The following SHISA5 variants were observed in gnomAD, a reference collection of about 807,000 sequenced individuals.
The protein encoded by SHISA5 is shisa family member 5, also known as protein shisa-5.
In SHISA5, 21 loss-of-function variants were observed where a neutral mutation model predicts 27.5. The ratio of observed to expected loss-of-function variants is 0.76; its 90% CI spans 0.54 to 1.10. The LOEUF (loss-of-function observed/expected upper bound fraction) is 1.10. Among genes scored for constraint, SHISA5 ranks in the 50% least tolerant of loss-of-function variants. The probability of loss-of-function intolerance (pLI) is 0.00; values close to 1 mark genes in which losing one functional copy is unlikely to be tolerated. For missense variants in SHISA5, 314 were observed against 336.3 expected (o/e 0.93, Z 0.52); for synonymous variants, 137 against 142.2 (o/e 0.96, Z 0.26).
intron 2 of SHISA5, among the ~76,000 whole-genome samples, chr3:48,492,622 C>T (rs2041468482): frequency 6.8e-6 from 1 of 147,966 alleles, no homozygotes; most frequent in Non-Finnish European, 1.5e-5. Context: ...CTGTACAAGC[C>T]TTCGCCCAAG....
rs368900654 is a variant in SHISA5 at position 48,471,499 on chromosome 3, G to A, written c.315-1656C>T. Among the ~76,000 whole-genome samples the A allele has an allele frequency of 3.5e-5, 5 of 141,422 alleles. No individual in the cohort carries two copies. The East Asian group carries it at 1.1e-3, about 31-fold the overall frequency. The allele number at this position is 141,422 out of a possible 152,430, so 92.8% of individuals were successfully genotyped here. Reference sequence around the variant, plus strand: ...GAACCCAGGAGGTGGAGGTTGTAGTGAGCCAAGATCGCACCACTGCACTCC... The same window carrying A: ...GAACCCAGGAGGTGGAGGTTGTAGTAAGCCAAGATCGCACCACTGCACTCC... On this transcript the variant is annotated intron_variant, in intron 3 of 5. Transcript: ENST00000296444.
chr3:48,500,249 A>T (rs1291530714), intron 2 of SHISA5, among the ~76,000 whole-genome samples: 1 of 152,220 alleles, frequency 6.6e-6, no homozygotes, highest in African/African-American at 2.4e-5. Flanking sequence ...AATGAAAAGG[A>T]TGTACCTTAT....
Position 48,469,671 on chromosome 3 carries a change from G to C in SHISA5, c.430+57C>G. On this transcript the variant is annotated intron_variant, in intron 4 of 5. Coordinates refer to ENST00000296444, the MANE Select transcript of SHISA5 (RefSeq NM_016479.6). The surrounding 1 kb of genome is among the most constrained non-coding windows in gnomAD (Gnocchi z 4.6). ...CTCCAGCTTAGCCAAAGCAGGGCCT[G>C]GTCAGCTTCCCTTACCACCCCAGGG... 1 of 1,607,574 alleles carries C rather than the reference G, an allele frequency of 6.2e-7. No homozygotes were observed.
Position 48,495,028 on chromosome 3 carries a change from A to G in SHISA5, c.233+6109T>C, listed in dbSNP as rs984829874. Among the ~76,000 whole-genome samples, 914 of 145,848 alleles carry G rather than the reference A, an allele frequency of 6.3e-3. 36 individuals are homozygous for G. The highest frequency in any genetic ancestry group is 9.7e-3 in the Non-Finnish European group (653 of 67,624). ...TGCTATGTTGCCCAGGCTAGCCTCC[A>G]ACTCCTGGGCTCAAGCGATCCTCCT... On this transcript the variant is annotated intron_variant, in intron 2 of 5. Transcript: ENST00000296444.
At chr3:48,497,262 GTTTTTTTTT>G (rs771239815) in intron 2 of SHISA5, among the ~76,000 whole-genome samples, 26 of 116,574 alleles carry the variant, frequency 2.2e-4, no homozygotes, top group African/African-American at 8.8e-4. Context: ...TCCAGAACAA[GTTTTTTTTT>G]TTTTTTTTTT....
At position 48,469,521 on chromosome 3, in the gene SHISA5, CTGAGGA is replaced by C. The variant is rs2040519122; in HGVS notation, c.477_482del (p.Tyr159_Gln161delinsTer). 1.2e-6 allele frequency: 2 copies of C among 1,613,634 alleles called. No homozygotes were observed. Among genetic ancestry groups the C allele is most frequent in the Non-Finnish European group, 8.5e-7 (1 of 1,179,782 alleles). Reference sequence around the variant, plus strand: ...GGTAGCTGGGCGGCACACTTGGAGGCTGAGGATAAGGGGCATGCACCACAGTGGTGG... The same window carrying C: ...GGTAGCTGGGCGGCACACTTGGAGGCTAAGGGGCATGCACCACAGTGGTGG... On this transcript the variant is annotated stop_gained and inframe_deletion, in exon 5 of 6. Coordinates refer to ENST00000296444, the MANE Select transcript of SHISA5 (RefSeq NM_016479.6). LOFTEE classifies it high-confidence loss of function. The surrounding 1 kb of genome is among the most constrained non-coding windows in gnomAD (Gnocchi z 4.6).
In SHISA5 at chr3:48,469,693, AG is replaced by A. The variant is rs2040532268; in HGVS notation, c.430+34del. Reference sequence around the variant, plus strand: ...CCTGGTCAGCTTCCCTTACCACCCCAGGGGGTCACAGTGGGGCAGGGTGGGC... The same window carrying A: ...CCTGGTCAGCTTCCCTTACCACCCCAGGGGTCACAGTGGGGCAGGGTGGGC... On this transcript the variant is annotated intron_variant, in intron 4 of 5. Transcript: ENST00000296444. This position sits in a 1 kb window ranked among gnomAD's most constrained non-coding sequence, Gnocchi z 4.6. The A allele has an allele frequency of 6.2e-7, 1 of 1,612,256 alleles. No individual in the cohort carries two copies. The highest frequency in any genetic ancestry group is 1.1e-5 in the South Asian group (1 of 90,888).
intron 3 of SHISA5, among the ~76,000 whole-genome samples, chr3:48,476,016 G>T (rs1239244454): frequency 3.9e-5 from 6 of 152,144 alleles, no homozygotes; most frequent in Non-Finnish European, 8.8e-5. Flanking sequence ...CTGGATCCAG[G>T]CTCCAGCCTG....
intron 3 of SHISA5, 98 bp downstream of exon 3, chr3:48,479,079 G>T: frequency 5.4e-6 from 6 of 1,108,866 alleles, no homozygotes; most frequent in South Asian, 4.2e-5. Flanking sequence ...CCACCCCAAT[G>T]ACCGAATCAT....
chr3:48,482,634 ACT>A (rs1240852239), intron 2 of SHISA5, among the ~76,000 whole-genome samples: 1 of 150,128 alleles, frequency 6.7e-6, no homozygotes, highest in African/African-American at 2.5e-5. Flanking sequence ...AGCAATGAAA[ACT>A]CACTTTTTTT....
At chr3:48,486,513 A>G (rs1401154439) in intron 2 of SHISA5, among the ~76,000 whole-genome samples, 1 of 116,900 alleles carries the variant, frequency 8.6e-6, no homozygotes, top group Non-Finnish European at 1.6e-5. Flanking sequence ...ATTATATAAT[A>G]TACAATATAT....
chr3:48,474,241 C>T (rs2107303501), intron 3 of SHISA5, among the ~76,000 whole-genome samples: 1 of 151,796 alleles, frequency 6.6e-6, no homozygotes, highest in African/African-American at 2.4e-5. Context: ...GCATGCACCA[C>T]CACACTCGGC....
chr3:48,469,285 T>G lies in SHISA5; in HGVS notation c.643+76A>C, dbSNP rs2040499031. 6.4e-7 allele frequency: 1 copy of G among 1,570,182 alleles called. No homozygotes were observed. The highest frequency in any genetic ancestry group is 1.4e-5 in the African/African-American group (1 of 73,854). ...GGCAGAGGCCTGTTGAGTGATGTAGTTTGGGATGGGTGCCCGAGGGATGCT... is the reference window on the plus strand; with the variant it reads ...GGCAGAGGCCTGTTGAGTGATGTAGGTTGGGATGGGTGCCCGAGGGATGCT... On this transcript the variant is annotated intron_variant, in intron 5 of 5. Coordinates refer to ENST00000296444, the MANE Select transcript of SHISA5 (RefSeq NM_016479.6). The surrounding 1 kb of genome is among the most constrained non-coding windows in gnomAD (Gnocchi z 4.6).
At chr3:48,499,157 A>G (rs947071616) in intron 2 of SHISA5, among the ~76,000 whole-genome samples, 2 of 152,106 alleles carry the variant, frequency 1.3e-5, no homozygotes, top group African/African-American at 4.8e-5. Flanking sequence ...CAGAATATCA[A>G]TAACTACATT....
chr3:48,481,996 G>A (rs1324740200), intron 2 of SHISA5, among the ~76,000 whole-genome samples: 4 of 151,004 alleles, frequency 2.6e-5, no homozygotes, highest in Admixed American at 6.6e-5. Context: ...GTGAACCCGG[G>A]AGGCAGAGGT....
rs201316142 is a variant in SHISA5 at position 48,498,899 on chromosome 3, C to T, written c.233+2238G>A. On this transcript the variant is annotated intron_variant, in intron 2 of 5. Transcript: ENST00000296444. ...GAGTTCAAGACCAGCCTGGCCAACA[C>T]GGTGAAACCCTGTCTCTACTAAAAA... Among the ~76,000 whole-genome samples, 12 of 150,848 alleles carry T rather than the reference C, an allele frequency of 8.0e-5. No individual in the cohort carries two copies. In the East Asian group the frequency reaches 1.2e-3, roughly 15 times the overall value.
chr3:48,479,724 C>T (rs956373125), intron 2 of SHISA5, among the ~76,000 whole-genome samples: 3 of 152,106 alleles, frequency 2.0e-5, no homozygotes, highest in Non-Finnish European at 2.9e-5. Context: ...TCCTGGGTAG[C>T]TGGGATTACA....
chr3:48,470,991 C>T lies in SHISA5; in HGVS notation c.315-1148G>A, dbSNP rs1230725322. Among the ~76,000 whole-genome samples, 1 of 151,910 alleles carries T rather than the reference C, an allele frequency of 6.6e-6. No individual in the cohort carries two copies. The highest frequency in any genetic ancestry group is 1.5e-5 in the Non-Finnish European group (1 of 67,962). On this transcript the variant is annotated intron_variant, in intron 3 of 5. Transcript: ENST00000296444. The surrounding 1 kb of genome is among the most constrained non-coding windows in gnomAD (Gnocchi z 4.3). The stretch of plus-strand genomic sequence containing the variant: ...CAGACAGAGCCCCTTACTAGCCACC[C>T]TGCCGTGTTTGCAGAGGCCAAGCTT...
At chr3:48,480,060 C>T (rs974824518) in intron 2 of SHISA5, among the ~76,000 whole-genome samples, 6 of 151,722 alleles carry the variant, frequency 4.0e-5, no homozygotes, top group South Asian at 2.1e-4. Flanking sequence ...CCCACAACTA[C>T]GCCCGGCTAA....
Sources: gnomAD v4.1 joint callset for allele counts (sites outside exome capture counted in the v4.1 genomes callset) on GRCh38, gnomAD v4.1.1 for gene constraint, Gnocchi (gnomAD v3.1) non-coding constraint, MANE v1.5 for transcripts, NCBI Gene and HGNC (gene_info 2026-07-23, HGNC 2026-07-21) for gene names.